CDK19: variants seen among roughly 807,000 people sequenced by gnomAD.
CDK19 encodes cyclin-dependent kinase 19.
In CDK19, 20 loss-of-function variants were observed where a neutral mutation model predicts 68.3. The ratio of observed to expected loss-of-function variants is 0.29; its 90% CI spans 0.21 to 0.43. The LOEUF (loss-of-function observed/expected upper bound fraction) is 0.43. CDK19 is among the 20% of genes least tolerant of loss of function. The pLI, the probability that CDK19 is intolerant of heterozygous loss-of-function variation, is 1.00. For missense variants in CDK19, 339 were observed against 623.5 expected (o/e 0.54, Z 4.86); for synonymous variants, 221 against 222.8 (o/e 0.99, Z 0.07).
At chr6:110,669,255 G>C (rs1770781820) in intron 3 of CDK19, among the ~76,000 whole-genome samples, 2 of 152,186 alleles carry the variant, frequency 1.3e-5, no homozygotes, top group African/African-American at 4.8e-5. Flanking sequence ...TAAGACCTGA[G>C]TCTGTTAAAG....
intron 1 of CDK19, among the ~76,000 whole-genome samples, chr6:110,774,154 C>A (rs567412358): frequency 6.6e-6 from 1 of 152,090 alleles, no homozygotes; most frequent in Non-Finnish European, 1.5e-5. Context: ...AAAAGTTGAG[C>A]CTTAACTAAT....
chr6:110,789,640 G>A (rs760020335), intron 1 of CDK19, among the ~76,000 whole-genome samples: 5 of 152,006 alleles, frequency 3.3e-5, no homozygotes, highest in African/African-American at 4.8e-5. Flanking sequence ...AAACTCCTCA[G>A]CTTAAGGAAT....
intron 2 of CDK19, among the ~76,000 whole-genome samples, chr6:110,702,034 G>A (rs777526342): frequency 1.3e-4 from 20 of 152,080 alleles, no homozygotes; most frequent in Admixed American, 3.3e-4. Context: ...CCAGCTACTC[G>A]GGAGGCTGAG....
intron 4 of CDK19, chr6:110,646,271 C>A: frequency 6.6e-7 from 1 of 1,505,478 alleles, no homozygotes; most frequent in Non-Finnish European, 8.8e-7. Flanking sequence ...GTTGCGTGTG[C>A]TGCCCCGCCA....
intron 4 of CDK19, chr6:110,645,726 G>C (rs1380468304): frequency 8.9e-6 from 4 of 450,792 alleles, no homozygotes; most frequent in African/African-American, 2.0e-5. Flanking sequence ...GGCCAACAGA[G>C]TCCCTACAGG....
intron 2 of CDK19, among the ~76,000 whole-genome samples, chr6:110,677,570 TAAAA>T (rs538974161): frequency 1.7e-5 from 1 of 59,684 alleles, no homozygotes; most frequent in East Asian, 5.5e-4. Flanking sequence ...CATCTCAACA[TAAAA>T]AAAAAAAAAA....
chr6:110,718,638 CAA>C (rs34228815), intron 2 of CDK19, among the ~76,000 whole-genome samples: 108,429 of 125,816 alleles, frequency 0.86, 46,814 homozygotes, highest in Non-Finnish European at 0.93. Flanking sequence ...CTTCAAAGTC[CAA>C]AAAAAAAAAA....
At chr6:110,739,490 AGACT>A (rs1041188811) in intron 2 of CDK19, among the ~76,000 whole-genome samples, 5 of 152,138 alleles carry the variant, frequency 3.3e-5, no homozygotes, top group African/African-American at 1.2e-4. Context: ...CAGCCCAAAC[AGACT>A]AAGACACCTC....
At chr6:110,802,995 C>T (rs180891540) in intron 1 of CDK19, among the ~76,000 whole-genome samples, 1 of 152,164 alleles carries the variant, frequency 6.6e-6, no homozygotes, top group Non-Finnish European at 1.5e-5. Context: ...AACAGCAAAA[C>T]TTAAACAGAA....
rs377661490 is a variant in CDK19, at chr6:110,721,837, G to A, written c.204+24289C>T. 4.9e-4 allele frequency among the ~76,000 whole-genome samples: 74 copies of A among 152,132 alleles called. 1 individual carries two copies. In the East Asian group the frequency reaches 9.9e-3, roughly 20 times the overall value. On this transcript the variant is annotated intron_variant, in intron 2 of 12. Transcript: ENST00000368911. ...AAATTAGCCAGGCGTGGTGGTGCGCGCCTGTAATCCCAGCAACTCGGGAGG... is the reference window on the plus strand; with the variant it reads ...AAATTAGCCAGGCGTGGTGGTGCGCACCTGTAATCCCAGCAACTCGGGAGG...
At chr6:110,784,298 A>G (rs1220114694) in intron 1 of CDK19, among the ~76,000 whole-genome samples, 2 of 152,204 alleles carry the variant, frequency 1.3e-5, no homozygotes, top group South Asian at 2.1e-4. Context: ...CAATAAAAAT[A>G]CAACCCAATT....
chr6:110,745,330 A>G (rs1384590768), intron 2 of CDK19, among the ~76,000 whole-genome samples: 1 of 152,112 alleles, frequency 6.6e-6, no homozygotes, highest in Non-Finnish European at 1.5e-5. Context: ...TCATTTCTTA[A>G]ATGTACTAGT....
rs527343481 is a variant in CDK19 at position 110,724,355 on chromosome 6, T to TA, written c.204+21770dup. On this transcript the variant is annotated intron_variant, in intron 2 of 12. Coordinates refer to ENST00000368911, the MANE Select transcript of CDK19 (RefSeq NM_015076.5). ...AAGCAACAAGAGCGAAACTCCACCT[T>TA]AAAAAAAAAAATACCAACAAAACAA... Among the ~76,000 whole-genome samples the TA allele has an allele frequency of 7.3e-4, 108 of 147,024 alleles. 1 individual carries two copies. In the South Asian group the frequency reaches 9.6e-3, roughly 13 times the overall value.
intron 2 of CDK19, among the ~76,000 whole-genome samples, chr6:110,697,058 CAAA>C (rs747444458): frequency 3.7e-5 from 4 of 109,364 alleles, no homozygotes; most frequent in African/African-American, 1.0e-4. Flanking sequence ...AACTCCATCT[CAAA>C]AAAAAAAAAA....
intron 1 of CDK19, among the ~76,000 whole-genome samples, chr6:110,812,633 A>G (rs906858725): frequency 6.6e-6 from 1 of 152,136 alleles, no homozygotes; most frequent in Non-Finnish European, 1.5e-5. Flanking sequence ...TATATACTAC[A>G]TTATATATAC....
At chr6:110,637,576 A>C (rs1313786238) in intron 5 of CDK19, among the ~76,000 whole-genome samples, 1 of 152,250 alleles carries the variant, frequency 6.6e-6, no homozygotes, top group Non-Finnish European at 1.5e-5. Flanking sequence ...ACAATTTTGC[A>C]TCACCTTTAG....
At chr6:110,639,892 A>G (rs1780022450) in intron 4 of CDK19, among the ~76,000 whole-genome samples, 1 of 152,112 alleles carries the variant, frequency 6.6e-6, no homozygotes, top group African/African-American at 2.4e-5. Flanking sequence ...TGGAAAAAGG[A>G]TATGACCAGG....
chr6:110,610,875 A>G lies in CDK19; in HGVS notation c.*3660T>C, dbSNP rs1464302371. 1.3e-5 allele frequency: 2 copies of G among 152,156 alleles called. No homozygotes were observed. The highest frequency in any genetic ancestry group is 2.9e-5 in the Non-Finnish European group (2 of 68,032). The allele number at this position is 152,156 out of a possible 1,614,324, so 9.4% of individuals were successfully genotyped here. A position where few individuals can be genotyped will look rare whatever the true frequency, so the allele number is the denominator to read the frequency against. On this transcript the variant is annotated 3_prime_UTR_variant, in exon 13 of 13. Coordinates refer to ENST00000368911, the MANE Select transcript of CDK19 (RefSeq NM_015076.5). ...TTTTCTTTTCTTTTACCTTTAGCAG[A>G]GAAAACAGCATCATTTTAGAGGCAT...
rs1781449890 is a variant in CDK19, at chr6:110,789,443, T to G, written c.128+25566A>C. Among the ~76,000 whole-genome samples, 3 of 152,276 alleles carry G rather than the reference T, an allele frequency of 2.0e-5. No individual in the cohort carries two copies. In the South Asian group the frequency reaches 6.2e-4, roughly 32 times the overall value. On this transcript the variant is annotated intron_variant, in intron 1 of 12. Coordinates refer to ENST00000368911, the MANE Select transcript of CDK19 (RefSeq NM_015076.5). ...ACAGGCATGCACCACCACGCCCAGC[T>G]AATTTTTGTATTTTTAGTAGAGACG...
Sources: allele counts gnomAD v4.1 joint callset (sites outside exome capture counted in the v4.1 genomes callset), GRCh38; gene constraint gnomAD v4.1.1; transcripts MANE v1.5; gene names NCBI Gene and HGNC (gene_info 2026-07-23, HGNC 2026-07-21).